Variants in FAM13A observed in about 807,000 individuals in gnomAD.
The protein encoded by FAM13A is family with sequence similarity 13 member A.
In FAM13A, 76 loss-of-function variants were observed where a neutral mutation model predicts 129.6. The ratio of observed to expected loss-of-function variants is 0.59; its 90% CI spans 0.49 to 0.71. The LOEUF is 0.71. Ranked by LOEUF, FAM13A falls within the 30% of genes least tolerant of loss-of-function variation. The pLI is 0.00. For missense variants in FAM13A, 1,108 were observed against 1,249.3 expected (o/e 0.89, Z 1.70); for synonymous variants, 443 against 449.9 (o/e 0.98, Z 0.20).
At chr4:88,802,283 G>A (rs1047522861) in intron 8 of FAM13A, among the ~76,000 whole-genome samples, 10 of 152,100 alleles carry the variant, frequency 6.6e-5, no homozygotes, top group South Asian at 2.1e-4. Context: ...CCTAATAAGC[G>A]TCTGGGGAAC....
At chr4:88,816,669 CTAA>C (rs752433671) in intron 7 of FAM13A, among the ~76,000 whole-genome samples, 2 of 152,180 alleles carry the variant, frequency 1.3e-5, no homozygotes, top group Non-Finnish European at 2.9e-5. Context: ...TACTAAGCTT[CTAA>C]TGGGGGAAAA....
intron 6 of FAM13A, among the ~76,000 whole-genome samples, chr4:88,902,927 A>C (rs1747518848): frequency 6.6e-6 from 1 of 152,224 alleles, no homozygotes; most frequent in African/African-American, 2.4e-5. Context: ...ATACAAAAGA[A>C]ATGTGCAAAA....
In FAM13A at chr4:88,746,822, G is replaced by A; in HGVS notation, c.2466+110C>T. Reference sequence around the variant, plus strand: ...TATACTAACCTCCTTTATCCTAAAAGTAAAGCAAGCAAACATTAGGGAACC... The same window carrying A: ...TATACTAACCTCCTTTATCCTAAAAATAAAGCAAGCAAACATTAGGGAACC... On this transcript the variant is annotated intron_variant, in intron 19 of 23. Coordinates refer to ENST00000264344, the MANE Select transcript of FAM13A (RefSeq NM_014883.4). 4.1e-6 allele frequency: 3 copies of A among 730,906 alleles called. No individual in the cohort carries two copies. In the South Asian group the frequency reaches 5.0e-5, roughly 12 times the overall value. 45.3% of individuals were successfully genotyped at this position (730,906 alleles called of 1,614,324 possible).
rs531554554 is a variant in FAM13A at position 88,919,984 on chromosome 4, C to T, written c.760-13522G>A. ...CTGAGATCAAACTGCAAGGCGGCAG[C>T]GAGGCTGGGGGATGGGCGCCTGCCA... is the stretch of plus-strand genomic sequence containing the variant. On this transcript the variant is annotated intron_variant, in intron 5 of 23. Coordinates refer to ENST00000264344, the MANE Select transcript of FAM13A (RefSeq NM_014883.4). 3.7e-3 allele frequency among the ~76,000 whole-genome samples: 560 copies of T among 152,280 alleles called. 3 individuals carry two copies. The highest frequency in any genetic ancestry group is 0.012 in the African/African-American group (516 of 41,572).
chr4:88,815,155 A>C (rs114843067), intron 7 of FAM13A, among the ~76,000 whole-genome samples: 1,726 of 152,134 alleles, frequency 0.011, 19 homozygotes, highest in Middle Eastern at 0.024. Context: ...CCTGAGTTTT[A>C]TTCTTAGATT....
At chr4:88,878,045 T>C (rs528674097) in intron 6 of FAM13A, among the ~76,000 whole-genome samples, 2 of 152,106 alleles carry the variant, frequency 1.3e-5, no homozygotes, top group South Asian at 2.1e-4. Context: ...TCCCAGCACA[T>C]TGGAAGGGCC....
chr4:88,973,120 G>A (rs968835727), intron 4 of FAM13A, among the ~76,000 whole-genome samples: 13 of 144,610 alleles, frequency 9.0e-5, no homozygotes, highest in African/African-American at 3.4e-4. Context: ...GAAATGACAA[G>A]CCTAGGCATA....
intron 8 of FAM13A, among the ~76,000 whole-genome samples, chr4:88,799,400 C>T (rs1388524893): frequency 6.6e-6 from 1 of 151,806 alleles, no homozygotes; most frequent in African/African-American, 2.4e-5. Flanking sequence ...AAATGTAAAA[C>T]GATGTAGCTG....
intron 6 of FAM13A, among the ~76,000 whole-genome samples, chr4:88,902,554 C>T (rs1747456761): frequency 6.6e-6 from 1 of 151,562 alleles, no homozygotes; most frequent in Admixed American, 6.6e-5. Context: ...TGATAAAATT[C>T]AACATACTTC....
At chr4:88,923,543 G>T (rs561904100) in intron 5 of FAM13A, among the ~76,000 whole-genome samples, 35 of 152,256 alleles carry the variant, frequency 2.3e-4, no homozygotes, top group Admixed American at 5.2e-4. Flanking sequence ...GGTATTGAGG[G>T]GACATATCTC....
rs773764813 is a variant in FAM13A, at chr4:88,961,347, C to CTTTTTTTTTTTTTTTT, written c.606-23122_606-23107dup. Reference sequence around the variant, plus strand: ...AAATCCTCAGCTTTGTGGAATTTGCCTTTTTTTTTTTTTTTTTTTTTTTTT... The same window carrying CTTTTTTTTTTTTTTTT: ...AAATCCTCAGCTTTGTGGAATTTGCCTTTTTTTTTTTTTTTTTTTTTTTTTTTTTTTTTTTTTTTTT... On this transcript the variant is annotated intron_variant, in intron 4 of 23. Transcript: ENST00000264344. 5.4e-5 allele frequency among the ~76,000 whole-genome samples: 3 copies of CTTTTTTTTTTTTTTTT among 55,424 alleles called. 1 individual carries two copies. Among genetic ancestry groups the CTTTTTTTTTTTTTTTT allele is most frequent in the African/African-American group, 1.4e-4 (2 of 13,800 alleles). The allele number at this position is 55,424 out of a possible 152,430, so 36.4% of individuals were successfully genotyped here.
At chr4:88,916,397 C>T (rs1007360077) in intron 5 of FAM13A, among the ~76,000 whole-genome samples, 1 of 152,106 alleles carries the variant, frequency 6.6e-6, no homozygotes, top group Admixed American at 6.5e-5. Flanking sequence ...AAAGCTTTCC[C>T]TAGTTATGTT....
At chr4:88,991,833 C>T (rs1762956906) in intron 3 of FAM13A, among the ~76,000 whole-genome samples, 1 of 152,052 alleles carries the variant, frequency 6.6e-6, no homozygotes, top group African/African-American at 2.4e-5. Flanking sequence ...TTCAACTAAG[C>T]CCTGTTCTGG....
chr4:88,994,560 C>T (rs912690759), intron 3 of FAM13A, among the ~76,000 whole-genome samples: 1 of 152,150 alleles, frequency 6.6e-6, no homozygotes, highest in African/African-American at 2.4e-5. Context: ...TAATAATTGG[C>T]AGGGTGTGGT....
intron 2 of FAM13A, among the ~76,000 whole-genome samples, chr4:89,021,683 C>G: frequency 6.6e-6 from 1 of 152,042 alleles, no homozygotes; most frequent in Middle Eastern, 3.2e-3. Context: ...GAAGATTTAG[C>G]TAGCTAAGAA....
At chr4:88,812,132 A>T (rs1043252313) in intron 7 of FAM13A, among the ~76,000 whole-genome samples, 1 of 152,186 alleles carries the variant, frequency 6.6e-6, no homozygotes, top group Non-Finnish European at 1.5e-5. Context: ...TGGACTTCCC[A>T]GCCTCCAGAA....
intron 6 of FAM13A, among the ~76,000 whole-genome samples, chr4:88,857,141 G>A (rs1265302001): frequency 6.6e-6 from 1 of 152,024 alleles, no homozygotes; most frequent in Non-Finnish European, 1.5e-5. Context: ...TTTTTAGGAG[G>A]GGAGTAGTTT....
At chr4:89,031,180 C>T (rs13131363) in intron 1 of FAM13A, among the ~76,000 whole-genome samples, 9,997 of 151,990 alleles carry the variant, frequency 0.066, 455 homozygotes, top group South Asian at 0.14. Flanking sequence ...ATAAATGTAT[C>T]AATCTCCTTC....
chr4:89,042,725 A>T (rs542778779), intron 1 of FAM13A, among the ~76,000 whole-genome samples: 2 of 151,140 alleles, frequency 1.3e-5, no homozygotes, highest in Admixed American at 6.6e-5. Flanking sequence ...AAAGATTTTT[A>T]AAAGATAATC....
Sources: allele counts gnomAD v4.1 joint callset (sites outside exome capture counted in the v4.1 genomes callset), GRCh38; gene constraint gnomAD v4.1.1; transcripts MANE v1.5; gene names NCBI Gene and HGNC (gene_info 2026-07-23, HGNC 2026-07-21).